STK24: variants seen among roughly 807,000 people sequenced by gnomAD.
STK24 encodes the protein serine/threonine-protein kinase 24.
STK24 carries 21 observed loss-of-function variants against 55.6 expected under a neutral mutation model. The ratio of observed to expected loss-of-function variants is 0.38; its 90% CI spans 0.27 to 0.54. The LOEUF is 0.54. STK24 is among the 20% of genes least tolerant of loss of function. The pLI is 0.79. For missense variants in STK24, 383 were observed against 538.4 expected (o/e 0.71, Z 2.86); for synonymous variants, 200 against 215.2 (o/e 0.93, Z 0.62).
intron 2 of STK24, among the ~76,000 whole-genome samples, chr13:98,509,932 A>G (rs1201470689): frequency 1.6e-4 from 25 of 152,254 alleles, no homozygotes; most frequent in Admixed American, 1.6e-3. Flanking sequence ...TATGTAAGTA[A>G]TAAGTCTTTG....
chr13:98,508,809 A>G (rs1895782725), intron 2 of STK24: 1 of 152,212 alleles, frequency 6.6e-6, no homozygotes, highest in Admixed American at 6.5e-5. Flanking sequence ...TTTTATTCCC[A>G]TGAAGCTCCC....
At chr13:98,543,112 C>T (rs1485552946) in intron 1 of STK24, 1 of 643,796 alleles carries the variant, frequency 1.6e-6, no homozygotes, top group Non-Finnish European at 1.9e-6. Flanking sequence ...TGGGAGGAGA[C>T]CAGTCATGCC....
chr13:98,459,475 G>C (rs1893609062), intron 9 of STK24, among the ~76,000 whole-genome samples: 1 of 152,206 alleles, frequency 6.6e-6, no homozygotes, highest in Admixed American at 6.5e-5. Context: ...CAGGGCAACA[G>C]GTGAAGGCTT....
intron 3 of STK24, among the ~76,000 whole-genome samples, 172 bp from the exon 4 acceptor site, chr13:98,475,530 T>TA (rs1894334709): frequency 1.3e-5 from 2 of 152,020 alleles, no homozygotes; most frequent in South Asian, 2.1e-4. Context: ...GAGGGACCCT[T>TA]AAAAAAACAA....
At position 98,446,245 on chromosome 13, in the gene STK24, G is replaced by T; in HGVS notation, c.*6928C>A. ...CAGGGCAGGTGGCCCTGGGACCTTG[G>T]GGGTGGCAGCATGAGGTGAGGGGGC... On this transcript the variant is annotated 3_prime_UTR_variant, in exon 11 of 11. Transcript: ENST00000539966. 1 of 1,409,728 alleles carries T rather than the reference G, an allele frequency of 7.1e-7. No homozygotes were observed. The highest frequency in any genetic ancestry group is 1.2e-5 in the South Asian group (1 of 85,456). 87.3% of individuals were successfully genotyped at this position (1,409,728 alleles called of 1,614,324 possible). A position where few individuals can be genotyped will look rare whatever the true frequency, so the allele number is the denominator to read the frequency against.
intron 1 of STK24, among the ~76,000 whole-genome samples, chr13:98,545,479 A>C (rs754144046): frequency 1.1e-4 from 16 of 152,108 alleles, no homozygotes; most frequent in African/African-American, 4.8e-5. Context: ...CTAAAAATAC[A>C]AAAAATTAGC....
At chr13:98,489,214 G>A (rs1329853829) in intron 2 of STK24, among the ~76,000 whole-genome samples, 1 of 152,196 alleles carries the variant, frequency 6.6e-6, no homozygotes, top group African/African-American at 2.4e-5. Flanking sequence ...GATGAAGTGA[G>A]GCCGTGTACA....
intron 10 of STK24, chr13:98,456,695 C>T (rs1893472769): frequency 8.0e-6 from 3 of 377,210 alleles, no homozygotes; most frequent in Non-Finnish European, 1.1e-5. Context: ...GAACCCCTAC[C>T]AAGGAGGCTT....
chr13:98,527,688 A>G (rs955558423), intron 1 of STK24, among the ~76,000 whole-genome samples: 1 of 152,172 alleles, frequency 6.6e-6, no homozygotes, highest in Non-Finnish European at 1.5e-5. Context: ...AGGCTCCTGG[A>G]TGCAGAGGAC....
At chr13:98,477,823 G>A (rs756238244) in intron 3 of STK24, among the ~76,000 whole-genome samples, 2 of 152,056 alleles carry the variant, frequency 1.3e-5, no homozygotes, top group South Asian at 2.1e-4. Context: ...CAAAAGCAAC[G>A]GCAGAGCGGC....
At chr13:98,485,363 T>G (rs1230841468) in intron 2 of STK24, among the ~76,000 whole-genome samples, 1 of 152,200 alleles carries the variant, frequency 6.6e-6, no homozygotes, top group Non-Finnish European at 1.5e-5. Context: ...CAAAGCTGTC[T>G]TCTTGTGCTC....
chr13:98,483,093 T>C (rs1239804399), intron 2 of STK24, among the ~76,000 whole-genome samples: 1 of 152,214 alleles, frequency 6.6e-6, no homozygotes, highest in Non-Finnish European at 1.5e-5. Flanking sequence ...TGCTACTCCC[T>C]GGAAAACAAG....
intron 2 of STK24, among the ~76,000 whole-genome samples, chr13:98,506,533 C>G (rs556999766): frequency 2.0e-5 from 3 of 152,160 alleles, no homozygotes; most frequent in Admixed American, 6.5e-5. Flanking sequence ...ACTGCCCTGC[C>G]GAGCTCACAG....
intron 1 of STK24, chr13:98,542,700 T>C (rs1896922055): frequency 2.9e-6 from 1 of 345,540 alleles, no homozygotes; most frequent in Non-Finnish European, 3.9e-6. Flanking sequence ...TTCCTTTCCA[T>C]ATTAGTCCCT....
chr13:98,520,524 G>A (rs929253010), intron 1 of STK24, among the ~76,000 whole-genome samples: 3 of 152,260 alleles, frequency 2.0e-5, no homozygotes, highest in Admixed American at 6.5e-5. Flanking sequence ...ACAGGGAGGA[G>A]AGGGAGGCCT....
intron 2 of STK24, among the ~76,000 whole-genome samples, chr13:98,491,902 A>T (rs1282628335): frequency 6.6e-6 from 1 of 152,180 alleles, no homozygotes; most frequent in Non-Finnish European, 1.5e-5. Flanking sequence ...ACAGGAAAAA[A>T]TTTTTAATGC....
chr13:98,568,335 G>C (rs879441112), intron 1 of STK24, among the ~76,000 whole-genome samples: 3 of 152,012 alleles, frequency 2.0e-5, no homozygotes, highest in Non-Finnish European at 4.4e-5. Context: ...TGGACCCCCG[G>C]CTCTCAGGAA....
At chr13:98,513,018 C>T (rs1281034491) in intron 2 of STK24, among the ~76,000 whole-genome samples, 3 of 152,246 alleles carry the variant, frequency 2.0e-5, no homozygotes, top group African/African-American at 7.2e-5. Context: ...CCACTTGCTG[C>T]CCTCTCTTAC....
At chr13:98,475,029 T>C (rs1206843819) in intron 4 of STK24, 51 bp from the exon 5 acceptor site, 4 of 1,554,214 alleles carry the variant, frequency 2.6e-6, no homozygotes, top group African/African-American at 2.7e-5. Flanking sequence ...TACAACTCCG[T>C]GCACTGCCAC....
Sources: allele counts gnomAD v4.1 joint callset (sites outside exome capture counted in the v4.1 genomes callset), GRCh38; gene constraint gnomAD v4.1.1; transcripts MANE v1.5; gene names NCBI Gene and HGNC (gene_info 2026-07-23, HGNC 2026-07-21).